Variants in PTPRD observed in about 807,000 individuals in gnomAD.
PTPRD encodes receptor-type tyrosine-protein phosphatase delta.
Under a neutral mutation model 214.5 loss-of-function variants are expected in PTPRD, and 34 were observed. That is an observed-to-expected ratio of 0.16 (90% CI 0.12 to 0.21). The LOEUF (loss-of-function observed/expected upper bound fraction) is 0.21, where lower values mean the gene tolerates loss of function less well. Ranked by LOEUF, PTPRD falls within the 10% of genes least tolerant of loss-of-function variation. The probability of loss-of-function intolerance (pLI) is 1.00; values close to 1 mark genes in which losing one functional copy is unlikely to be tolerated. For missense variants in PTPRD, 2,545 were observed against 2,398.7 expected, an observed-to-expected ratio of 1.06 and a Z score of -1.27; for synonymous variants, 1,128 against 845.7, an observed-to-expected ratio of 1.33 and a Z score of -5.79.
intron 6 of PTPRD, among the ~76,000 whole-genome samples, chr9:9,748,325 C>A (rs1206225128): frequency 6.6e-6 from 1 of 152,080 alleles, no homozygotes; most frequent in African/African-American, 2.4e-5. Context: ...CAGAATTGTT[C>A]TTAATAACAA....
At chr9:10,579,877 G>GT (rs539600119) in intron 2 of PTPRD, among the ~76,000 whole-genome samples, 82 of 151,888 alleles carry the variant, frequency 5.4e-4, no homozygotes, top group Non-Finnish European at 9.9e-4. Flanking sequence ...ATTTTTTCAC[G>GT]TGTTTGTTGG....
chr9:9,559,273 C>T (rs1260147136), intron 8 of PTPRD, among the ~76,000 whole-genome samples: 1 of 152,198 alleles, frequency 6.6e-6, no homozygotes, highest in Non-Finnish European at 1.5e-5. Flanking sequence ...GCAGCATATG[C>T]AGTTACTAAC....
chr9:9,121,729 C>A (rs2099817813), intron 10 of PTPRD, among the ~76,000 whole-genome samples: 1 of 152,028 alleles, frequency 6.6e-6, no homozygotes, highest in Non-Finnish European at 1.5e-5. Context: ...GTGTATACTG[C>A]TCAGGTGATG....
intron 7 of PTPRD, among the ~76,000 whole-genome samples, chr9:9,715,349 G>C (rs1252494582): frequency 6.6e-6 from 1 of 152,090 alleles, no homozygotes; most frequent in Admixed American, 6.6e-5. Context: ...TTGTTGAATT[G>C]ACTTATGTTG....
At chr9:9,838,040 T>C (rs546271230) in intron 5 of PTPRD, among the ~76,000 whole-genome samples, 7 of 152,180 alleles carry the variant, frequency 4.6e-5, no homozygotes, top group Non-Finnish European at 1.0e-4. Context: ...GTCCTTGCGA[T>C]AGTTTACTGA....
At chr9:8,455,241 A>G (rs1014506948) in intron 33 of PTPRD, among the ~76,000 whole-genome samples, 7 of 152,218 alleles carry the variant, frequency 4.6e-5, no homozygotes, top group African/African-American at 1.4e-4. Context: ...ATCATTATAA[A>G]TCTACAGAGC....
intron 36 of PTPRD, among the ~76,000 whole-genome samples, chr9:8,398,270 T>C (rs2091663860): frequency 6.6e-6 from 1 of 152,114 alleles, no homozygotes; most frequent in Admixed American, 6.6e-5. Context: ...TTGTAGGAAG[T>C]AGGTACTATT....
chr9:9,484,209 CA>C (rs34170734), intron 8 of PTPRD, among the ~76,000 whole-genome samples: 19,984 of 147,128 alleles, frequency 0.14, 1,559 homozygotes, highest in African/African-American at 0.21. Context: ...TACTATACAG[CA>C]AAAAAAAAAT....
At chr9:9,575,743 A>AAAAAG (rs2088396518) in intron 7 of PTPRD, among the ~76,000 whole-genome samples, 1 of 136,826 alleles carries the variant, frequency 7.3e-6, no homozygotes, top group African/African-American at 2.8e-5. Flanking sequence ...AAAAAAAAAA[A>AAAAAG]AAAGAAAGAA....
At chr9:9,575,500 C>T (rs150029992) in intron 7 of PTPRD, among the ~76,000 whole-genome samples, 4,071 of 151,494 alleles carry the variant, frequency 0.027, 195 homozygotes, top group African/African-American at 0.092. Context: ...GTGGGTAGAT[C>T]ACAAGGTCAG....
chr9:9,768,100 T>G (rs2098721129), intron 5 of PTPRD, among the ~76,000 whole-genome samples: 1 of 152,164 alleles, frequency 6.6e-6, no homozygotes, highest in African/African-American at 2.4e-5. Flanking sequence ...TATACATATA[T>G]AAAATCCCCT....
At chr9:9,667,328 C>G (rs931416827) in intron 7 of PTPRD, among the ~76,000 whole-genome samples, 27 of 152,194 alleles carry the variant, frequency 1.8e-4, no homozygotes, top group Middle Eastern at 3.4e-3. Flanking sequence ...ATTTACCCCT[C>G]TCATCCTCAC....
At position 9,357,207 on chromosome 9, in the gene PTPRD, G is replaced by C. The variant is rs1348101875; in HGVS notation, c.-203+40242C>G. Among the ~76,000 whole-genome samples, 3 of 151,342 alleles carry C rather than the reference G, an allele frequency of 2.0e-5. No homozygotes were observed. In the Admixed American group the frequency reaches 2.0e-4, roughly 10 times the overall value. The stretch of plus-strand genomic sequence containing the variant: ...AGCACAATCTGGTTTCATAAATACT[G>C]TGAGAATTTATGGGTGTCTGGAATA... On this transcript the variant is annotated intron_variant, in intron 9 of 45. Transcript: ENST00000381196.
In PTPRD at chr9:9,885,072, T is replaced by C. The variant is rs992515494; in HGVS notation, c.-368+53435A>G. Among the ~76,000 whole-genome samples the C allele has an allele frequency of 2.6e-5, 4 of 152,174 alleles. No individual in the cohort carries two copies. In the East Asian group the frequency reaches 7.7e-4, roughly 29 times the overall value. On this transcript the variant is annotated intron_variant, in intron 5 of 45. Coordinates refer to ENST00000381196, the MANE Select transcript of PTPRD (RefSeq NM_002839.4). ...GAAAGGCTAGTAAAACTGGTGCCTG[T>C]AGTAACACAAAAAATAAAATATTCC...
At chr9:9,579,848 C>G (rs1283025381) in intron 7 of PTPRD, among the ~76,000 whole-genome samples, 1 of 152,124 alleles carries the variant, frequency 6.6e-6, no homozygotes, top group East Asian at 1.9e-4. Flanking sequence ...TCATTCATCT[C>G]CCTCCCACTC....
intron 9 of PTPRD, among the ~76,000 whole-genome samples, chr9:9,232,967 A>G (rs781102575): frequency 1.3e-5 from 2 of 152,128 alleles, no homozygotes; most frequent in Non-Finnish European, 2.9e-5. Context: ...TCTATATAGG[A>G]GATGGGTGTA....
intron 14 of PTPRD, among the ~76,000 whole-genome samples, chr9:8,530,100 T>G (rs1233722052): frequency 6.6e-6 from 1 of 152,062 alleles, no homozygotes; most frequent in Non-Finnish European, 1.5e-5. Context: ...GTATAATCCA[T>G]GAATTCACAG....
chr9:8,706,422 C>T (rs1286096121), intron 12 of PTPRD, among the ~76,000 whole-genome samples: 1 of 152,114 alleles, frequency 6.6e-6, no homozygotes, highest in Non-Finnish European at 1.5e-5. Flanking sequence ...ATGGAAGCAT[C>T]TCACATTTCA....
At position 10,561,667 on chromosome 9, in the gene PTPRD, C is replaced by A. The variant is rs1017213494; in HGVS notation, c.-600+50731G>T. Among the ~76,000 whole-genome samples, 6 of 152,092 alleles carry A rather than the reference C, an allele frequency of 3.9e-5. No individual in the cohort carries two copies. The South Asian group carries it at 1.2e-3, about 32-fold the overall frequency. On this transcript the variant is annotated intron_variant, in intron 2 of 45. Transcript: ENST00000381196. ...AATAGACAGAGAAGGAAAATGTCTTCATTTTCTATTTTGTGACATAATCTT... is the reference window on the plus strand; with the variant it reads ...AATAGACAGAGAAGGAAAATGTCTTAATTTTCTATTTTGTGACATAATCTT...
Sources: allele counts gnomAD v4.1 joint callset (sites outside exome capture counted in the v4.1 genomes callset), GRCh38; gene constraint gnomAD v4.1.1; transcripts MANE v1.5; gene names NCBI Gene and HGNC (gene_info 2026-07-23, HGNC 2026-07-21).